Variants in ROBO2 observed in about 807,000 individuals in gnomAD.
The protein encoded by ROBO2 is roundabout guidance receptor 2, also known as roundabout homolog 2.
In ROBO2, 53 loss-of-function variants were observed where a neutral mutation model predicts 160.8. The observed-to-expected ratio is 0.33, with a 90% CI of 0.26 to 0.41. The LOEUF is 0.41. Ranked by LOEUF, ROBO2 falls within the 10% of genes least tolerant of loss-of-function variation. ROBO2 has a pLI of 1.00. For missense variants in ROBO2, 1,577 were observed against 1,722.4 expected (o/e 0.92, Z 1.49); for synonymous variants, 664 against 611.7 (o/e 1.09, Z -1.26).
chr3:77,445,405 T>C (rs938419976), intron 2 of ROBO2, among the ~76,000 whole-genome samples: 3 of 152,126 alleles, frequency 2.0e-5, no homozygotes, highest in African/African-American at 7.2e-5. Flanking sequence ...TATGGGTATG[T>C]CACTCCTCAT....
chr3:77,177,790 A>G (rs904390685), intron 2 of ROBO2, among the ~76,000 whole-genome samples: 2 of 152,052 alleles, frequency 1.3e-5, no homozygotes, highest in African/African-American at 2.4e-5. Flanking sequence ...TACAAAGACC[A>G]TGAATGATTT....
intron 2 of ROBO2, among the ~76,000 whole-genome samples, chr3:77,240,526 G>A (rs2088871747): frequency 6.6e-6 from 1 of 152,186 alleles, no homozygotes; most frequent in Non-Finnish European, 1.5e-5. Flanking sequence ...CCAGAGAGGG[G>A]CTCCCACACT....
intron 2 of ROBO2, among the ~76,000 whole-genome samples, chr3:76,290,294 G>A (rs1708740897): frequency 6.6e-6 from 1 of 151,906 alleles, no homozygotes; most frequent in South Asian, 2.1e-4. Context: ...TTCTTTTTGT[G>A]GCTAATATGA....
At chr3:77,568,516 T>C in intron 13 of ROBO2, 82 bp downstream of exon 14, 2 of 1,531,568 alleles carry the variant, frequency 1.3e-6, no homozygotes, top group Non-Finnish European at 1.8e-6. Flanking sequence ...GAACAAAGAG[T>C]GATAATAAAA....
intron 1 of ROBO2, among the ~76,000 whole-genome samples, chr3:75,907,640 T>C (rs1946403888): frequency 1.3e-5 from 2 of 152,164 alleles, no homozygotes; most frequent in Admixed American, 6.5e-5. Flanking sequence ...AGCACAAAAT[T>C]TAAGTGGCCG....
intron 2 of ROBO2, among the ~76,000 whole-genome samples, chr3:76,966,475 A>T (rs535842862): frequency 2.7e-4 from 41 of 152,206 alleles, no homozygotes; most frequent in Non-Finnish European, 5.4e-4. Context: ...TCTGCTTTAC[A>T]TCTCTCTACT....
At chr3:76,869,891 T>G (rs1166974) in intron 2 of ROBO2, among the ~76,000 whole-genome samples, 15,690 of 152,084 alleles carry the variant, frequency 0.1, 889 homozygotes, top group South Asian at 0.12. Flanking sequence ...AGAGGGGCCC[T>G]TTAACAATTC....
chr3:76,281,044 C>T (rs1708206161), intron 2 of ROBO2, among the ~76,000 whole-genome samples: 1 of 151,974 alleles, frequency 6.6e-6, no homozygotes, highest in Non-Finnish European at 1.5e-5. Context: ...TTCTAGGAAT[C>T]TGTCCAAAAT....
chr3:76,450,988 T>A (rs553613521), intron 2 of ROBO2, among the ~76,000 whole-genome samples: 1 of 152,228 alleles, frequency 6.6e-6, no homozygotes, highest in Admixed American at 6.5e-5. Flanking sequence ...TACCTCTCAT[T>A]TAACGTCCAC....
chr3:77,022,892 G>A lies in ROBO2; in HGVS notation c.110-75122G>A, dbSNP rs188656346. On this transcript the variant is annotated intron_variant, in intron 2 of 26. Transcript: ENST00000487694. ...GCGGCCACCACCACCATCCACCTCCGGAATGTTTTTTGTCTTCTGAAACTG... is the reference window on the plus strand; with the variant it reads ...GCGGCCACCACCACCATCCACCTCCAGAATGTTTTTTGTCTTCTGAAACTG... Among the ~76,000 whole-genome samples the A allele has an allele frequency of 6.8e-4, 103 of 152,010 alleles. No homozygotes were observed. The Middle Eastern group carries it at 0.017, about 25-fold the overall frequency.
chr3:76,032,816 C>G (rs1446478668), intron 2 of ROBO2, among the ~76,000 whole-genome samples: 1 of 152,052 alleles, frequency 6.6e-6, no homozygotes, highest in Non-Finnish European at 1.5e-5. Flanking sequence ...CTATGGCATG[C>G]TAGTTTAAAA....
At chr3:76,714,789 C>T (rs2093353408) in intron 2 of ROBO2, among the ~76,000 whole-genome samples, 1 of 152,114 alleles carries the variant, frequency 6.6e-6, no homozygotes, top group African/African-American at 2.4e-5. Context: ...ATAAATAATT[C>T]CATTGTAACA....
chr3:76,365,441 C>T (rs1366737365), intron 2 of ROBO2, among the ~76,000 whole-genome samples: 1 of 152,000 alleles, frequency 6.6e-6, no homozygotes, highest in Non-Finnish European at 1.5e-5. Context: ...TCAATTACCA[C>T]ATCACATGCT....
At chr3:77,251,067 CTCAGGGGCTGCTCCACTCTCAAGGCT>C (rs756220114) in intron 2 of ROBO2, among the ~76,000 whole-genome samples, 124 of 152,216 alleles carry the variant, frequency 8.1e-4, no homozygotes, top group Middle Eastern at 3.4e-3. Flanking sequence ...GTTCCAGGAG[CTCAGGGGCTGCTCCACTCTCAAGGCT>C]TCACTAGGCA....
chr3:76,055,849 C>T lies in ROBO2; in HGVS notation c.109+118247C>T, dbSNP rs2067826819. ...TCTCGGCTCACCGCAACCTCTGCCTCCTGGGTTCAAGCGATTCTCCTGCCT... is the reference window on the plus strand; with the variant it reads ...TCTCGGCTCACCGCAACCTCTGCCTTCTGGGTTCAAGCGATTCTCCTGCCT... On this transcript the variant is annotated intron_variant, in intron 2 of 26. Coordinates refer to the ROBO2 transcript ENST00000487694. Among the ~76,000 whole-genome samples, 4 of 152,136 alleles carry T rather than the reference C, an allele frequency of 2.6e-5. No homozygotes were observed. The South Asian group carries it at 8.3e-4, about 32-fold the overall frequency.
intron 6 of ROBO2, among the ~76,000 whole-genome samples, chr3:77,533,061 C>T (rs936175258): frequency 6.6e-6 from 1 of 152,110 alleles, no homozygotes; most frequent in Admixed American, 6.6e-5. Context: ...CTGGTTAGCT[C>T]TGAAGACTAG....
intron 2 of ROBO2, among the ~76,000 whole-genome samples, chr3:75,975,631 A>G (rs1206999257): frequency 1.3e-5 from 2 of 151,486 alleles, no homozygotes; most frequent in Non-Finnish European, 3.0e-5. Flanking sequence ...AACAATTATG[A>G]CATTTAATCA....
At chr3:76,714,466 A>G (rs1158358126) in intron 2 of ROBO2, among the ~76,000 whole-genome samples, 1 of 152,204 alleles carries the variant, frequency 6.6e-6, no homozygotes. Flanking sequence ...GTTTAAACAA[A>G]TTTCATTATG....
intron 2 of ROBO2, among the ~76,000 whole-genome samples, chr3:76,962,105 C>T (rs151277218): frequency 4.6e-4 from 70 of 152,158 alleles, no homozygotes; most frequent in African/African-American, 1.6e-3. Flanking sequence ...GAGTCCAAGA[C>T]GGGTGAATTA....
Sources: allele counts gnomAD v4.1 joint callset (sites outside exome capture counted in the v4.1 genomes callset), GRCh38; gene constraint gnomAD v4.1.1; transcripts MANE v1.5; gene names NCBI Gene and HGNC (gene_info 2026-07-23, HGNC 2026-07-21).